The following CAPN13 variants were observed in gnomAD, a reference collection of about 807,000 sequenced individuals.
CAPN13 encodes the protein calpain-13.
CAPN13 carries 90 observed loss-of-function variants against 98.4 expected under a neutral mutation model. That is an observed-to-expected ratio of 0.92 (90% CI 0.77 to 1.09). The LOEUF (loss-of-function observed/expected upper bound fraction) is 1.09, where lower values mean the gene tolerates loss of function less well. Among genes scored for constraint, CAPN13 ranks in the 50% least tolerant of loss-of-function variants. CAPN13 has a pLI of 0.00. For synonymous variants in CAPN13, 330 were observed against 305.5 expected, an observed-to-expected ratio of 1.08 and a Z score of -0.84; for missense variants, 887 against 841.3, an observed-to-expected ratio of 1.05 and a Z score of -0.67.
At chr2:30,724,891 A>C (rs974777923) in intron 22 of CAPN13, among the ~76,000 whole-genome samples, 2 of 152,052 alleles carry the variant, frequency 1.3e-5, no homozygotes, top group Non-Finnish European at 2.9e-5. Flanking sequence ...CTAGAAGTAG[A>C]CTCATCCTGC....
At chr2:30,751,451 G>A (rs1202364810) in intron 10 of CAPN13, among the ~76,000 whole-genome samples, 200 bp from the exon 11 acceptor site, 1 of 152,204 alleles carries the variant, frequency 6.6e-6, no homozygotes, top group Non-Finnish European at 1.5e-5. Flanking sequence ...CTTAAACACA[G>A]GAGAGGTTGT....
At chr2:30,775,726 T>C (rs1297807617) in intron 4 of CAPN13, among the ~76,000 whole-genome samples, 1 of 152,230 alleles carries the variant, frequency 6.6e-6, no homozygotes, top group African/African-American at 2.4e-5. Flanking sequence ...TCTTTTTATT[T>C]ACACAAAAAC....
At chr2:30,727,997 C>T (rs951284331) in intron 22 of CAPN13, among the ~76,000 whole-genome samples, 5 of 151,880 alleles carry the variant, frequency 3.3e-5, no homozygotes, top group East Asian at 1.9e-4. Context: ...TACTGATACA[C>T]GCTACAACAT....
At chr2:30,748,274 A>G (rs1672013996) in intron 11 of CAPN13, among the ~76,000 whole-genome samples, 1 of 152,132 alleles carries the variant, frequency 6.6e-6, no homozygotes, top group Non-Finnish European at 1.5e-5. Flanking sequence ...TTTTCTTCCC[A>G]GAGGTGAGAG....
intron 10 of CAPN13, among the ~76,000 whole-genome samples, chr2:30,752,464 G>C (rs532037273): frequency 9.9e-5 from 15 of 152,232 alleles, no homozygotes; most frequent in Non-Finnish European, 1.9e-4. Flanking sequence ...ATTCATCTCA[G>C]GGGAGCTCAA....
chr2:30,725,931 C>A (rs1240902334), intron 22 of CAPN13, among the ~76,000 whole-genome samples: 1 of 152,098 alleles, frequency 6.6e-6, no homozygotes, highest in East Asian at 1.9e-4. Flanking sequence ...TACCTGCCTT[C>A]CAGTACACCA....
intron 17 of CAPN13, chr2:30,737,665 G>C (rs192460215): frequency 6.3e-6 from 1 of 158,612 alleles, no homozygotes; most frequent in East Asian, 1.8e-4. Context: ...TTTGGTGGTA[G>C]TTATCTTGAT....
chr2:30,786,345 G>T (rs1402049), intron 2 of CAPN13, among the ~76,000 whole-genome samples: 87,038 of 151,970 alleles, frequency 0.57, 25,625 homozygotes, highest in African/African-American at 0.64. Context: ...TGGGCAAAAG[G>T]GTCCTTAGGG....
chr2:30,758,798 T>TCCTCCCTCCCTCCCTCCCTTTCCTC (rs1360088086), intron 7 of CAPN13, among the ~76,000 whole-genome samples: 1 of 70,668 alleles, frequency 1.4e-5, no homozygotes, highest in South Asian at 5.8e-4. Context: ...TTCCTTTCCT[T>TCCTCCCTCCCTCCCTCCCTTTCCTC]CCTCCCTCCC....
intron 1 of CAPN13, among the ~76,000 whole-genome samples, chr2:30,799,598 C>G (rs758352564): frequency 2.0e-5 from 3 of 152,166 alleles, no homozygotes; most frequent in African/African-American, 4.8e-5. Flanking sequence ...GTGATCTGGC[C>G]TGTGAGCAAA....
At chr2:30,757,184 G>A (rs1001683476) in intron 8 of CAPN13, among the ~76,000 whole-genome samples, 14 of 152,208 alleles carry the variant, frequency 9.2e-5, no homozygotes, top group African/African-American at 1.9e-4. Context: ...CATTTTTCAC[G>A]GATGGACACA....
chr2:30,786,483 G>C (rs1242957974), intron 2 of CAPN13, among the ~76,000 whole-genome samples: 2 of 152,142 alleles, frequency 1.3e-5, no homozygotes. Flanking sequence ...AAAACCAGAA[G>C]GGCTCACCTG....
intron 1 of CAPN13, among the ~76,000 whole-genome samples, chr2:30,793,929 G>C (rs951099878): frequency 2.0e-5 from 3 of 151,540 alleles, no homozygotes; most frequent in African/African-American, 7.3e-5. Context: ...CAAAAACCAA[G>C]TCAAAATGAT....
rs748972295 is a variant in CAPN13 at position 30,787,177 on chromosome 2, T to G, written c.149A>C (p.Lys50Thr). ...GGAGAGGCGTTTTTCCTGGAGCAGC[T>G]TCTGGCCTATGGAAGAATCTGCTGC... Reference protein sequence around the residue: ...FPAADSSIGQKLLQEKRLSNV... With the variant: ...FPAADSSIGQTLLQEKRLSNV... The change falls in exon 2 of 23, where the codon AAG (lysine) becomes ACG (threonine). Residue 50 changes from lysine to threonine, a missense_variant. Coordinates refer to ENST00000295055, the MANE Select transcript of CAPN13 (RefSeq NM_144575.3). 2 of 1,591,966 alleles carry G rather than the reference T, an allele frequency of 1.3e-6. No homozygotes were observed. Among genetic ancestry groups the G allele is most frequent in the Non-Finnish European group, 1.7e-6 (2 of 1,168,894 alleles).
In CAPN13 at chr2:30,787,135, C is replaced by A. The variant is rs370539000; in HGVS notation, c.191G>T (p.Arg64Leu). The A allele has an allele frequency of 6.4e-7, 1 of 1,561,332 alleles. No homozygotes were observed. Among genetic ancestry groups the A allele is most frequent in the Non-Finnish European group, 8.7e-7 (1 of 1,153,198 alleles). The change falls in exon 2 of 23, where the codon CGG becomes CTG. Residue 64 changes from arginine (R) to leucine (L), a missense_variant. Physicochemically the swap from Arg to Leu is moderately radical, Grantham distance 102. Transcript: ENST00000295055. ...CGTGTGGGGCTCACTCACCTGTGGC[C>A]GCTTCCATATCACATTGGAGAGGCG... is the stretch of plus-strand genomic sequence containing the variant. ...EKRLSNVIWKRPQDLPGGPPH... is the reference protein window; with the variant it reads ...EKRLSNVIWKLPQDLPGGPPH...
chr2:30,726,255 G>C (rs928938048), intron 22 of CAPN13, among the ~76,000 whole-genome samples: 20 of 152,156 alleles, frequency 1.3e-4, no homozygotes, highest in African/African-American at 4.8e-4. Flanking sequence ...CTGGCAAATG[G>C]TATCTATGAA....
At chr2:30,776,810 G>A (rs1014935797) in intron 3 of CAPN13, among the ~76,000 whole-genome samples, 7 of 152,122 alleles carry the variant, frequency 4.6e-5, no homozygotes, top group African/African-American at 1.7e-4. Flanking sequence ...ACTGGGTTCA[G>A]TACAGAAGCC....
chr2:30,758,752 C>T (rs78072956), intron 7 of CAPN13, among the ~76,000 whole-genome samples: 1 of 139,562 alleles, frequency 7.2e-6, no homozygotes, highest in Admixed American at 7.4e-5. Flanking sequence ...ACTTCCCTCC[C>T]TCCCTCTCTT....
chr2:30,798,774 G>C (rs1317495454), intron 1 of CAPN13, among the ~76,000 whole-genome samples: 3 of 152,136 alleles, frequency 2.0e-5, no homozygotes, highest in African/African-American at 7.2e-5. Context: ...TGCACGAGGA[G>C]CAATCTATTT....
Sources: allele counts gnomAD v4.1 joint callset (sites outside exome capture counted in the v4.1 genomes callset), GRCh38; gene constraint gnomAD v4.1.1; transcripts MANE v1.5; gene names NCBI Gene and HGNC (gene_info 2026-07-23, HGNC 2026-07-21).